Variants in FGD6 observed in about 807,000 individuals in gnomAD.
FGD6 encodes the protein FYVE, RhoGEF and PH domain-containing protein 6.
A neutral mutation model predicts 149.4 loss-of-function variants in FGD6; 90 were observed. The observed-to-expected ratio is 0.60, with a 90% CI of 0.51 to 0.72. The LOEUF is 0.72. FGD6 is among the 30% of genes least tolerant of loss of function. FGD6 has a pLI of 0.00. For synonymous variants in FGD6, 527 were observed against 584.0 expected (o/e 0.90, Z 1.41); for missense variants, 1,437 against 1,684.8 (o/e 0.85, Z 2.57).
intron 2 of FGD6, among the ~76,000 whole-genome samples, chr12:95,181,004 A>G (rs200073768): frequency 6.8e-6 from 1 of 147,158 alleles, no homozygotes; most frequent in Non-Finnish European, 1.5e-5. Context: ...CAAAAAAAAA[A>G]GAAAAAATCT....
chr12:95,191,972 A>G (rs926655296), intron 2 of FGD6, among the ~76,000 whole-genome samples: 6 of 152,126 alleles, frequency 3.9e-5, no homozygotes, highest in African/African-American at 1.4e-4. Flanking sequence ...TCCTGACCTC[A>G]GGTGATCCAC....
In FGD6 at chr12:95,183,478, G is replaced by A. The variant is rs187867036; in HGVS notation, c.2442-10734C>T. Among the ~76,000 whole-genome samples, 17 of 152,262 alleles carry A rather than the reference G, an allele frequency of 1.1e-4. No individual in the cohort carries two copies. The East Asian group carries it at 1.9e-3, about 17-fold the overall frequency. ...CTGTTGATCTCACCCGTCCAGTGTC[G>A]AGCATCAGGATTCAGCCATTCCCGT... On this transcript the variant is annotated intron_variant, in intron 2 of 20. Coordinates refer to ENST00000343958, the MANE Select transcript of FGD6 (RefSeq NM_018351.4).
chr12:95,202,378 C>T (rs974405948), intron 2 of FGD6, among the ~76,000 whole-genome samples: 9 of 84,652 alleles, frequency 1.1e-4, no homozygotes, highest in Non-Finnish European at 2.3e-4. Flanking sequence ...CACAGTGAGA[C>T]TCCATTTCCC....
In FGD6 at chr12:95,132,226, C is replaced by T. The variant is rs559051874; in HGVS notation, c.3082+2513G>A. Among the ~76,000 whole-genome samples the T allele has an allele frequency of 7.2e-5, 11 of 152,248 alleles. No homozygotes were observed. In the South Asian group the frequency reaches 2.3e-3, roughly 32 times the overall value. On this transcript the variant is annotated intron_variant, in intron 8 of 20. Transcript: ENST00000343958. ...AGTGCAGTAGCATGACCATGGCTCA[C>T]TGTAGCCTCAAATTCCCGGGCTCAA...
At chr12:95,092,429 G>C (rs1361598236) in intron 16 of FGD6, among the ~76,000 whole-genome samples, 1 of 152,164 alleles carries the variant, frequency 6.6e-6, no homozygotes, top group Non-Finnish European at 1.5e-5. Flanking sequence ...TTTAATTGTG[G>C]ATTTGTTAGA....
chr12:95,213,076 A>C (rs981558113), intron 1 of FGD6, among the ~76,000 whole-genome samples: 10 of 152,202 alleles, frequency 6.6e-5, no homozygotes, highest in Non-Finnish European at 1.2e-4. Flanking sequence ...TAACTGAAAA[A>C]CCCTTCAAAT....
intron 9 of FGD6, 65 bp from the exon 10 acceptor site, chr12:95,108,626 T>A: frequency 1.3e-6 from 2 of 1,574,164 alleles, no homozygotes; most frequent in Non-Finnish European, 1.7e-6. Flanking sequence ...TTTGCAACAT[T>A]AAGCAATTCC....
intron 15 of FGD6, 147 bp from the exon 16 acceptor site, chr12:95,092,992 G>A (rs1315226010): frequency 1.2e-5 from 10 of 855,786 alleles, no homozygotes; most frequent in East Asian, 2.7e-5. Context: ...AGGCCGAGTC[G>A]AGTGGATCAC....
chr12:95,102,606 C>T (rs1425788780), intron 14 of FGD6, among the ~76,000 whole-genome samples: 3 of 152,092 alleles, frequency 2.0e-5, no homozygotes, highest in South Asian at 2.1e-4. Context: ...CTGCTAGCTG[C>T]GAAGCATTTG....
intron 13 of FGD6, 35 bp downstream of exon 13, chr12:95,106,919 A>G: frequency 8.5e-7 from 1 of 1,177,486 alleles, no homozygotes; most frequent in Non-Finnish European, 1.1e-6. Context: ...AAACAAAACA[A>G]AACAAAAAAC....
In FGD6 at chr12:95,148,653, T is replaced by C. The variant is rs1880106523; in HGVS notation, c.2685+4158A>G. Among the ~76,000 whole-genome samples the C allele has an allele frequency of 1.6e-5, 2 of 121,510 alleles. 1 individual carries two copies. The highest frequency in any genetic ancestry group is 3.2e-5 in the Non-Finnish European group (2 of 63,062). 79.7% of individuals were successfully genotyped at this position (121,510 alleles called of 152,430 possible). A position where few individuals can be genotyped will look rare whatever the true frequency, so the allele number is the denominator to read the frequency against. Reference sequence around the variant, plus strand: ...AGCATATGTTATATTATATATATTATATATTATATAATACATAGCATATGT... The same window carrying C: ...AGCATATGTTATATTATATATATTACATATTATATAATACATAGCATATGT... On this transcript the variant is annotated intron_variant, in intron 5 of 20. Coordinates refer to ENST00000343958, the MANE Select transcript of FGD6 (RefSeq NM_018351.4).
intron 2 of FGD6, among the ~76,000 whole-genome samples, chr12:95,181,566 C>A (rs1054954766): frequency 6.6e-6 from 1 of 152,198 alleles, no homozygotes; most frequent in African/African-American, 2.4e-5. Context: ...ATTTTGCTTT[C>A]TTAGAATTGG....
chr12:95,196,141 CA>C (rs907564780), intron 2 of FGD6, among the ~76,000 whole-genome samples: 1 of 151,888 alleles, frequency 6.6e-6, no homozygotes, highest in Non-Finnish European at 1.5e-5. Flanking sequence ...CAAAACAAAA[CA>C]AAAAAACATT....
chr12:95,135,298 G>A (rs1439586495), intron 7 of FGD6, among the ~76,000 whole-genome samples: 1 of 152,206 alleles, frequency 6.6e-6, no homozygotes, highest in African/African-American at 2.4e-5. Context: ...AATAATGGTG[G>A]TGGCAGGGAG....
Position 95,128,826 on chromosome 12 carries a change from G to A in FGD6, c.3082+5913C>T, listed in dbSNP as rs146969029. ...TTTGTTGGTGGAGTAATTAATGGAGGAGAGAATCTGGTTTTGAAGGACAGC... is the reference window on the plus strand; with the variant it reads ...TTTGTTGGTGGAGTAATTAATGGAGAAGAGAATCTGGTTTTGAAGGACAGC... On this transcript the variant is annotated intron_variant, in intron 8 of 20. Transcript: ENST00000343958. Among the ~76,000 whole-genome samples the A allele has an allele frequency of 7.3e-4, 111 of 152,310 alleles. 1 individual carries two copies. Among genetic ancestry groups the A allele is most frequent in the African/African-American group, 2.6e-3 (107 of 41,562 alleles).
intron 14 of FGD6, among the ~76,000 whole-genome samples, chr12:95,102,614 T>C (rs1423217046): frequency 6.6e-6 from 1 of 152,170 alleles, no homozygotes; most frequent in Non-Finnish European, 1.5e-5. Context: ...TGCGAAGCAT[T>C]TGACAAACCC....
chr12:95,129,339 C>G (rs144829180), intron 8 of FGD6, among the ~76,000 whole-genome samples: 31 of 144,520 alleles, frequency 2.1e-4, no homozygotes, highest in Non-Finnish European at 3.4e-4. Flanking sequence ...ATCCATCCAT[C>G]CATCCATCCA....
chr12:95,154,255 C>T (rs1053424035), intron 3 of FGD6, among the ~76,000 whole-genome samples: 3 of 151,956 alleles, frequency 2.0e-5, no homozygotes, highest in Admixed American at 6.6e-5. Flanking sequence ...CCACTGTGCC[C>T]GGCCATGAAA....
At chr12:95,089,543 A>G (rs751079507) in intron 18 of FGD6, 26 bp downstream of exon 18, 5 of 1,610,598 alleles carry the variant, frequency 3.1e-6, no homozygotes, top group African/African-American at 1.3e-5. Flanking sequence ...CCTCTATCAC[A>G]TTGCAAATTT....
Sources: gnomAD v4.1 joint callset for allele counts (sites outside exome capture counted in the v4.1 genomes callset) on GRCh38, gnomAD v4.1.1 for gene constraint, MANE v1.5 for transcripts, NCBI Gene and HGNC (gene_info 2026-07-23, HGNC 2026-07-21) for gene names.